The following ASH1L variants were observed in gnomAD, a reference collection of about 807,000 sequenced individuals.
The protein encoded by ASH1L is ASH1 like histone lysine methyltransferase.
Under a neutral mutation model 269.0 loss-of-function variants are expected in ASH1L, and 23 were observed. The observed-to-expected ratio is 0.09, with a 90% confidence interval of 0.06 to 0.12. The LOEUF is 0.12. Ranked by LOEUF, ASH1L falls within the 10% of genes least tolerant of loss-of-function variation. ASH1L has a pLI of 1.00. For synonymous variants in ASH1L, 1,187 were observed against 1,253.5 expected, an observed-to-expected ratio of 0.95 and a Z score of 1.12; for missense variants, 2,912 against 3,567.8, an observed-to-expected ratio of 0.82 and a Z score of 4.68.
rs372584585 is a variant in ASH1L at position 155,408,621 on chromosome 1, T to C, written c.6008+7123A>G. Among the ~76,000 whole-genome samples the C allele has an allele frequency of 5.9e-4, 90 of 152,216 alleles. 1 individual carries two copies. In the South Asian group the frequency reaches 0.018, roughly 30 times the overall value. ...CAGGGAAGTGCTCAAAGATAAGTAA[T>C]CTGAAGACATGTATAAAGGAAACAG... On this transcript the variant is annotated intron_variant, in intron 6 of 27. Transcript: ENST00000392403.
intron 5 of ASH1L, among the ~76,000 whole-genome samples, chr1:155,423,502 G>C (rs1278112913): frequency 1.3e-5 from 2 of 152,034 alleles, no homozygotes; most frequent in Non-Finnish European, 2.9e-5. Context: ...CCGGGAGGCA[G>C]AGGTTGCAGT....
At chr1:155,440,146 C>T (rs1662436044) in intron 4 of ASH1L, among the ~76,000 whole-genome samples, 1 of 151,668 alleles carries the variant, frequency 6.6e-6, no homozygotes, top group South Asian at 2.1e-4. Context: ...CCTGTCTCAA[C>T]AAAAAATAAA....
chr1:155,380,757 A>T (rs1312498013), intron 7 of ASH1L, among the ~76,000 whole-genome samples: 1 of 150,622 alleles, frequency 6.6e-6, no homozygotes, highest in African/African-American at 2.4e-5. Context: ...CAGCTTCTTG[A>T]GTAGCTGGGA....
At chr1:155,462,680 C>G (rs1664395485) in intron 3 of ASH1L, among the ~76,000 whole-genome samples, 1 of 152,118 alleles carries the variant, frequency 6.6e-6, no homozygotes, top group Non-Finnish European at 1.5e-5. Flanking sequence ...GTAATGGAAG[C>G]CAGCAGCCTA....
Position 155,481,933 on chromosome 1 carries a change from T to C in ASH1L, c.937A>G (p.Thr313Ala), listed in dbSNP as rs1422398672. 1.2e-6 allele frequency: 2 copies of C among 1,614,224 alleles called. No homozygotes were observed. The highest frequency in any genetic ancestry group is 1.7e-6 in the Non-Finnish European group (2 of 1,180,036). ...AAGTTTTTATTAATGAATACCGCTG[T>C]AGTGCCAGTTCCCAGTTTTTTCACA... ...DSVKKLGTGT[T>A]AVFINKNLGK... The change falls in exon 3 of 28, where the codon ACA (threonine) becomes GCA (alanine). Residue 313 changes from threonine to alanine, a missense_variant. Thr to Ala is a moderately conservative substitution (Grantham distance 58, BLOSUM62 0). Transcript: ENST00000392403.
At chr1:155,515,832 TAAAA>T (rs755945664) in intron 2 of ASH1L, among the ~76,000 whole-genome samples, 7 of 106,772 alleles carry the variant, frequency 6.6e-5, no homozygotes, top group Admixed American at 1.1e-4. Context: ...GACTCTGCCT[TAAAA>T]AAAAAAAAAA....
rs536328853 is a variant in ASH1L, at chr1:155,420,743, G to A, written c.5829-4820C>T. 3.0e-4 allele frequency among the ~76,000 whole-genome samples: 46 copies of A among 151,542 alleles called. No homozygotes were observed. In the South Asian group the frequency reaches 8.8e-3, roughly 29 times the overall value. On this transcript the variant is annotated intron_variant, in intron 5 of 27. Transcript: ENST00000392403. ...CAGGCACCTGTAACCTCAGCTACTC[G>A]GGAGGCTGAGGCAGGAGAATCACTT...
At chr1:155,550,711 T>TA (rs1246987960) in intron 1 of ASH1L, among the ~76,000 whole-genome samples, 4 of 152,190 alleles carry the variant, frequency 2.6e-5, no homozygotes. Flanking sequence ...ATCAAAATGC[T>TA]AGGACATATT....
At chr1:155,488,511 A>C (rs934256732) in intron 2 of ASH1L, among the ~76,000 whole-genome samples, 58 of 148,408 alleles carry the variant, frequency 3.9e-4, no homozygotes, top group African/African-American at 1.4e-3. Flanking sequence ...ACAAAAAAAA[A>C]AAAAAAAAAA....
At chr1:155,498,048 G>A (rs995092038) in intron 2 of ASH1L, among the ~76,000 whole-genome samples, 5 of 152,178 alleles carry the variant, frequency 3.3e-5, no homozygotes, top group East Asian at 1.9e-4. Flanking sequence ...CACCACGCCC[G>A]GCCAAAAGAA....
In ASH1L at chr1:155,415,924, C is replaced by A; in HGVS notation, c.5829-1G>T. On this transcript the variant is annotated splice_acceptor_variant, in intron 5 of 27. Transcript: ENST00000392403. LOFTEE classifies it high-confidence loss of function. Reference sequence around the variant, plus strand: ...AATCTCAACTGGTGCTTCATTAAAGCTAGAAAGAGAAGTTTAAAGATAATT... The same window carrying A: ...AATCTCAACTGGTGCTTCATTAAAGATAGAAAGAGAAGTTTAAAGATAATT... The A allele has an allele frequency of 1.3e-6, 2 of 1,502,284 alleles. No individual in the cohort carries two copies. Among genetic ancestry groups the A allele is most frequent in the Non-Finnish European group, 1.8e-6 (2 of 1,125,784 alleles). The allele number at this position is 1,502,284 out of a possible 1,614,324, so 93.1% of individuals were successfully genotyped here.
rs1656807048 is a variant in ASH1L, at chr1:155,380,132, C to G, written c.6104-16G>C. On this transcript the variant is annotated splice_polypyrimidine_tract_variant and intron_variant, in intron 7 of 27. Coordinates refer to ENST00000392403, the MANE Select transcript of ASH1L (RefSeq NM_018489.3). ...AGATACTTTCCTGAAACAAAAAACACTATTAATTTCAATACCTTTTCTAAT... is the reference window on the plus strand; with the variant it reads ...AGATACTTTCCTGAAACAAAAAACAGTATTAATTTCAATACCTTTTCTAAT... The G allele has an allele frequency of 6.3e-7, 1 of 1,589,658 alleles. No individual in the cohort carries two copies. Among genetic ancestry groups the G allele is most frequent in the Non-Finnish European group, 8.6e-7 (1 of 1,158,316 alleles).
intron 6 of ASH1L, among the ~76,000 whole-genome samples, chr1:155,405,465 G>C (rs973969679): frequency 3.3e-5 from 5 of 152,124 alleles, no homozygotes; most frequent in African/African-American, 9.7e-5. Context: ...CTAGGCGACA[G>C]AGTGAGACTC....
At chr1:155,340,965 TTTG>T (rs1186298357) in intron 25 of ASH1L, among the ~76,000 whole-genome samples, 7 of 151,706 alleles carry the variant, frequency 4.6e-5, no homozygotes, top group Non-Finnish European at 7.4e-5. Flanking sequence ...CAAATTTTGT[TTTG>T]TTGTTGTTGT....
At chr1:155,558,471 C>A (rs887338674) in intron 1 of ASH1L, among the ~76,000 whole-genome samples, 113 of 145,440 alleles carry the variant, frequency 7.8e-4, no homozygotes, top group Non-Finnish European at 1.5e-3. Flanking sequence ...AACTCTCTCT[C>A]AAAAAAAAAA....
In ASH1L at chr1:155,393,779, C is replaced by G. The variant is rs772436727; in HGVS notation, c.6103+1680G>C. Reference sequence around the variant, plus strand: ...CTGTTAGTCAGGATAGTCTCAATCTCGTGACCTCGTGATCCACCTGCCTAG... The same window carrying G: ...CTGTTAGTCAGGATAGTCTCAATCTGGTGACCTCGTGATCCACCTGCCTAG... On this transcript the variant is annotated intron_variant, in intron 7 of 27. Transcript: ENST00000392403. Among the ~76,000 whole-genome samples, 35 of 152,168 alleles carry G rather than the reference C, an allele frequency of 2.3e-4. 1 individual carries two copies. Among genetic ancestry groups the G allele is most frequent in the Admixed American group, 1.0e-3 (16 of 15,262 alleles).
chr1:155,445,692 C>A (rs1391864988), intron 4 of ASH1L, among the ~76,000 whole-genome samples: 1 of 152,050 alleles, frequency 6.6e-6, no homozygotes, highest in African/African-American at 2.4e-5. Context: ...TGTATTGAGT[C>A]CACTGACTCT....
At chr1:155,548,964 G>T (rs1179005874) in intron 1 of ASH1L, among the ~76,000 whole-genome samples, 1 of 152,090 alleles carries the variant, frequency 6.6e-6, no homozygotes, top group Non-Finnish European at 1.5e-5. Context: ...ACCAACCACG[G>T]ATCAAAAATA....
rs1665914651 is a variant in ASH1L, at chr1:155,480,967, C to T, written c.1903G>A (p.Asp635Asn). The T allele has an allele frequency of 1.2e-6, 2 of 1,613,880 alleles. No individual in the cohort carries two copies. Among genetic ancestry groups the T allele is most frequent in the Admixed American group, 1.7e-5 (1 of 59,988 alleles). Residue 635 changes from aspartate to asparagine, a missense_variant, in exon 3 of 28, where the codon GAT (aspartate) becomes AAT (asparagine). Asp to Asn is a conservative substitution (Grantham distance 23). This residue lies in a region of ASH1L where 715 missense variants were observed against 721.0 expected (regional missense o/e 0.99). Coordinates refer to ENST00000392403, the MANE Select transcript of ASH1L (RefSeq NM_018489.3). Reference sequence around the variant, plus strand: ...ATATCTATATGGGTAGTTTTTGAATCATTTACCTCTTTATCAATCCCTTTA... The same window carrying T: ...ATATCTATATGGGTAGTTTTTGAATTATTTACCTCTTTATCAATCCCTTTA... ...ECKGIDKEVNDSKTTHIDIPR... is the reference protein window; with the variant it reads ...ECKGIDKEVNNSKTTHIDIPR...
Sources: allele counts gnomAD v4.1 joint callset (sites outside exome capture counted in the v4.1 genomes callset), GRCh38; gene constraint gnomAD v4.1.1; regional missense constraint gnomAD v4.1.1; transcripts MANE v1.5; gene names NCBI Gene and HGNC (gene_info 2026-07-23, HGNC 2026-07-21).